Variants in ACOX3 observed in about 807,000 individuals in gnomAD.
ACOX3 encodes peroxisomal acyl-coenzyme A oxidase 3.
A neutral mutation model predicts 81.5 loss-of-function variants in ACOX3; 73 were observed. The observed-to-expected ratio is 0.90, with a 90% CI of 0.74 to 1.09. The LOEUF is 1.09. Ranked by LOEUF, ACOX3 falls within the 50% of genes least tolerant of loss-of-function variation. The pLI is 0.00. For synonymous variants in ACOX3, 387 were observed against 375.1 expected (o/e 1.03, Z -0.37); for missense variants, 947 against 928.0 (o/e 1.02, Z -0.27).
At chr4:8,377,071 C>T (rs1717059181) in intron 14 of ACOX3, among the ~76,000 whole-genome samples, 1 of 152,084 alleles carries the variant, frequency 6.6e-6, no homozygotes, top group Non-Finnish European at 1.5e-5. Context: ...GTAGGCTGCT[C>T]CTGTGTCCAC....
At chr4:8,428,401 T>G (rs1045654617) in intron 1 of ACOX3, 5 of 152,780 alleles carry the variant, frequency 3.3e-5, no homozygotes, top group Non-Finnish European at 7.3e-5. Flanking sequence ...CTCGGAGTAC[T>G]GGGACTAGCT....
rs781369988 is a variant in ACOX3, at chr4:8,405,590, T to C, written c.776+365A>G. ...ATGGGTCCCTCGAGATCAGCATGGA[T>C]GTGTGCAGAGGCCGAGCCGGGGGAG... On this transcript the variant is annotated intron_variant, in intron 7 of 17. Coordinates refer to ENST00000356406, the MANE Select transcript of ACOX3 (RefSeq NM_003501.3). This position sits in a 1 kb window ranked among gnomAD's most constrained non-coding sequence, Gnocchi z 7.1. Among the ~76,000 whole-genome samples, 17 of 151,972 alleles carry C rather than the reference T, an allele frequency of 1.1e-4. No individual in the cohort carries two copies. The highest frequency in any genetic ancestry group is 3.2e-3 in the Middle Eastern group (1 of 316).
At chr4:8,362,223 T>G (rs2108769495), downstream of ACOX3, among the ~76,000 whole-genome samples, 1 of 152,290 alleles carries the variant, frequency 6.6e-6, no homozygotes, top group East Asian at 1.9e-4. Flanking sequence ...AGCTGAAATG[T>G]TCATGAATAT....
At chr4:8,410,599 T>A (rs959435096) in intron 5 of ACOX3, among the ~76,000 whole-genome samples, 1 of 152,162 alleles carries the variant, frequency 6.6e-6, no homozygotes, top group African/African-American at 2.4e-5. Flanking sequence ...GGCAAACGCT[T>A]CCAGGGAGTT....
Position 8,374,745 on chromosome 4 carries a change from C to T in ACOX3, c.1828+233G>A, listed in dbSNP as rs764032653. The T allele has an allele frequency of 8.4e-5, 37 of 440,914 alleles. No homozygotes were observed. In the Middle Eastern group the frequency reaches 3.0e-3, roughly 36 times the overall value. 27.3% of individuals were successfully genotyped at this position (440,914 alleles called of 1,614,324 possible). A position where few individuals can be genotyped will look rare whatever the true frequency, so the allele number is the denominator to read the frequency against. On this transcript the variant is annotated intron_variant, in intron 15 of 17. Coordinates refer to ENST00000356406, the MANE Select transcript of ACOX3 (RefSeq NM_003501.3). ...TGAGGGGGCCTTCTGGAAGTGTTCT[C>T]TGAACCGAACCCCAAGTGAAAGAAA...
intron 5 of ACOX3, among the ~76,000 whole-genome samples, chr4:8,413,608 C>T (rs909105201): frequency 1.3e-5 from 2 of 149,610 alleles, no homozygotes; most frequent in Admixed American, 6.6e-5. Flanking sequence ...AGCCCCAAGG[C>T]ATCCATCTGT....
At position 8,430,062 on chromosome 4, in the gene ACOX3, C is replaced by T. The variant is rs1242300393; in HGVS notation, c.-15+10586G>A. Among the ~76,000 whole-genome samples, 1 of 152,204 alleles carries T rather than the reference C, an allele frequency of 6.6e-6. No homozygotes were observed. The highest frequency in any genetic ancestry group is 1.5e-5 in the Non-Finnish European group (1 of 68,042). On this transcript the variant is annotated intron_variant, in intron 1 of 17. Coordinates refer to ENST00000356406, the MANE Select transcript of ACOX3 (RefSeq NM_003501.3). The surrounding 1 kb of genome is among the most constrained non-coding windows in gnomAD (Gnocchi z 5.2). ...TATCAAGTTTAAGATGTTGGTAGGA[C>T]ATCTGGGTGGGGATACTCAGGTCAT...
At position 8,375,002 on chromosome 4, in the gene ACOX3, G is replaced by C. The variant is rs188691647; in HGVS notation, c.1804C>G (p.Arg602Gly). ...SALYALWSLS[R>G]HAALLYRGGY... is the part of the protein sequence containing the mutation. ...CCTCGGTAGAGCAGGGCCGCGTGGC[G>C]GCTCAGGGACCACAGGGCGTACAGA... Residue 602 changes from arginine (R) to glycine (G), a missense_variant, in exon 15 of 18, where the codon CGC (arginine) becomes GGC (glycine). Arg to Gly is a moderately radical substitution (Grantham distance 125). Transcript: ENST00000356406. 3.9e-6 allele frequency: 6 copies of C among 1,534,210 alleles called. No individual in the cohort carries two copies. Among genetic ancestry groups the C allele is most frequent in the African/African-American group, 1.4e-5 (1 of 73,188 alleles).
At chr4:8,396,724 T>C (rs928910499) in intron 9 of ACOX3, among the ~76,000 whole-genome samples, 2 of 151,882 alleles carry the variant, frequency 1.3e-5, no homozygotes, top group Non-Finnish European at 2.9e-5. Context: ...TCCATCTTCC[T>C]TTTTTGGCTA....
rs1294271545 is a variant in ACOX3, at chr4:8,414,532, T to TGCTGCCACACTCAGCTG, written c.454-168_454-152dup. 5.2e-6 allele frequency: 4 copies of TGCTGCCACACTCAGCTG among 773,714 alleles called. No individual in the cohort carries two copies. In the East Asian group the frequency reaches 8.0e-5, roughly 15 times the overall value. 47.9% of individuals were successfully genotyped at this position (773,714 alleles called of 1,614,324 possible). On this transcript the variant is annotated intron_variant, in intron 4 of 17. Transcript: ENST00000356406. This position sits in a 1 kb window ranked among gnomAD's most constrained non-coding sequence, Gnocchi z 6.1. ...CCCAACTAGTGACTTGACTGAGTCA[T>TGCTGCCACACTCAGCTG]GCTGCCACACTCAGCTGGCAACCAC...
At chr4:8,380,512 A>G (rs1220481025) in intron 14 of ACOX3, among the ~76,000 whole-genome samples, 1 of 152,078 alleles carries the variant, frequency 6.6e-6, no homozygotes, top group African/African-American at 2.4e-5. Flanking sequence ...TTTGAGCTTG[A>G]CAGGAGCCCA....
intron 14 of ACOX3, among the ~76,000 whole-genome samples, chr4:8,377,673 C>T (rs957671545): frequency 2.6e-5 from 4 of 152,248 alleles, no homozygotes; most frequent in African/African-American, 4.8e-5. Flanking sequence ...CAGCAGTCAC[C>T]GGGGGGGACA....
Position 8,432,517 on chromosome 4 carries a change from G to A in ACOX3, c.-15+8131C>T, listed in dbSNP as rs760472727. Among the ~76,000 whole-genome samples the A allele has an allele frequency of 6.6e-6, 1 of 151,344 alleles. No homozygotes were observed. Among genetic ancestry groups the A allele is most frequent in the Non-Finnish European group, 1.5e-5 (1 of 67,882 alleles). On this transcript the variant is annotated intron_variant, in intron 1 of 17. Coordinates refer to ENST00000356406, the MANE Select transcript of ACOX3 (RefSeq NM_003501.3). The surrounding 1 kb of genome is among the most constrained non-coding windows in gnomAD (Gnocchi z 6.2). ...CAATGTGCTGGGATTACAGGCGTGAGCCACCGCGCCCGGCCTGATTTTTTT... is the reference window on the plus strand; with the variant it reads ...CAATGTGCTGGGATTACAGGCGTGAACCACCGCGCCCGGCCTGATTTTTTT...
chr4:8,430,532 A>G lies in ACOX3; in HGVS notation c.-15+10116T>C, dbSNP rs370184602. Among the ~76,000 whole-genome samples, 16 of 152,260 alleles carry G rather than the reference A, an allele frequency of 1.1e-4. No homozygotes were observed. In the East Asian group the frequency reaches 2.9e-3, roughly 28 times the overall value. The stretch of plus-strand genomic sequence containing the variant: ...CTGCCAAAATTACAACTACTAATCA[A>G]TTGGGTTCACATGTGTTACTGACAT... On this transcript the variant is annotated intron_variant, in intron 1 of 17. Transcript: ENST00000356406. This position sits in a 1 kb window ranked among gnomAD's most constrained non-coding sequence, Gnocchi z 5.2.
At chr4:8,425,838 C>G (rs547940755) in intron 1 of ACOX3, among the ~76,000 whole-genome samples, 2 of 152,058 alleles carry the variant, frequency 1.3e-5, no homozygotes, top group African/African-American at 4.8e-5. Context: ...ACAATGGCCC[C>G]GCTTTCAAGG....
chr4:8,426,623 G>A lies in ACOX3; in HGVS notation c.-14-10088C>T, dbSNP rs373894914. Among the ~76,000 whole-genome samples the A allele has an allele frequency of 3.3e-4, 50 of 151,208 alleles. 1 individual carries two copies. The South Asian group carries it at 0.01, about 31-fold the overall frequency. ...ACCAAGAGCTTCTATGGAGAATGCG[G>A]CTTCCCAGAAATATTGATGCCCCAT... On this transcript the variant is annotated intron_variant, in intron 1 of 17. Coordinates refer to ENST00000356406, the MANE Select transcript of ACOX3 (RefSeq NM_003501.3).
At chr4:8,403,193 T>C (rs1720558279) in intron 7 of ACOX3, among the ~76,000 whole-genome samples, 1 of 152,184 alleles carries the variant, frequency 6.6e-6, no homozygotes, top group South Asian at 2.1e-4. Flanking sequence ...AGTGACAAAA[T>C]CTAACCTACA....
At position 8,398,035 on chromosome 4, in the gene ACOX3, C is replaced by G. The variant is rs1396861550; in HGVS notation, c.874-916G>C. On this transcript the variant is annotated intron_variant, in intron 8 of 17. Coordinates refer to ENST00000356406, the MANE Select transcript of ACOX3 (RefSeq NM_003501.3). Reference sequence around the variant, plus strand: ...AATTAGCCAGGCCTGGCGGCGGGTGCCTGTAGTCCCAGCTACTCAGGAGGC... The same window carrying G: ...AATTAGCCAGGCCTGGCGGCGGGTGGCTGTAGTCCCAGCTACTCAGGAGGC... Among the ~76,000 whole-genome samples, 3 of 152,178 alleles carry G rather than the reference C, an allele frequency of 2.0e-5. No individual in the cohort carries two copies. The East Asian group carries it at 5.8e-4, about 29-fold the overall frequency.
At position 8,406,543 on chromosome 4, in the gene ACOX3, G is replaced by A. The variant is rs62286040; in HGVS notation, c.688-500C>T. Among the ~76,000 whole-genome samples, 4,121 of 152,240 alleles carry A rather than the reference G, an allele frequency of 0.027. 69 individuals are homozygous for A. Among genetic ancestry groups the A allele is most frequent in the South Asian group, 0.04 (195 of 4,820 alleles). On this transcript the variant is annotated intron_variant, in intron 6 of 17. Coordinates refer to ENST00000356406, the MANE Select transcript of ACOX3 (RefSeq NM_003501.3). This position sits in a 1 kb window ranked among gnomAD's most constrained non-coding sequence, Gnocchi z 5.6. ...CCACTACCACCAAGACACGGAGACC[G>A]GTAGTGGCCCCGAAGGCCAGGCTGC...
Sources: allele counts gnomAD v4.1 joint callset (sites outside exome capture counted in the v4.1 genomes callset), GRCh38; gene constraint gnomAD v4.1.1; non-coding constraint Gnocchi (gnomAD v3.1); transcripts MANE v1.5; gene names NCBI Gene and HGNC (gene_info 2026-07-23, HGNC 2026-07-21).